The following WDR19 variants were observed in gnomAD, a reference collection of about 807,000 sequenced individuals.
The protein encoded by WDR19 is WD repeat domain 19, also known as WD repeat-containing protein 19.
Under a neutral mutation model 180.0 loss-of-function variants are expected in WDR19, and 121 were observed. The ratio of observed to expected loss-of-function variants is 0.67; its 90% CI spans 0.58 to 0.78. The LOEUF is 0.78. Ranked by LOEUF, WDR19 falls within the 30% of genes least tolerant of loss-of-function variation. The pLI is 0.00. For missense variants in WDR19, 1,450 were observed against 1,640.7 expected, an observed-to-expected ratio of 0.88 and a Z score of 2.01; for synonymous variants, 497 against 540.7, an observed-to-expected ratio of 0.92 and a Z score of 1.12.
At position 39,266,154 on chromosome 4, in the gene WDR19, G is replaced by A. The variant is rs747307857; in HGVS notation, c.3261+14G>A. 3.2e-6 allele frequency: 5 copies of A among 1,538,986 alleles called. No individual in the cohort carries two copies. The African/African-American group carries it at 6.9e-5, about 21-fold the overall frequency. ...GGCATGCCTAAGGTACTGAACACGT[G>A]GGCTTCGTGTGCATCCTCAGGTCTC... On this transcript the variant is annotated intron_variant, in intron 29 of 36. Transcript: ENST00000399820.
At chr4:39,263,949 C>G (rs1734547064) in intron 28 of WDR19, among the ~76,000 whole-genome samples, 2 of 151,776 alleles carry the variant, frequency 1.3e-5, no homozygotes, top group Admixed American at 1.3e-4. Flanking sequence ...ATAGGGACAC[C>G]TACTGAGTGC....
At chr4:39,192,220 G>C (rs1321281933) in intron 4 of WDR19, among the ~76,000 whole-genome samples, 1 of 152,124 alleles carries the variant, frequency 6.6e-6, no homozygotes, top group Non-Finnish European at 1.5e-5. Context: ...TTGTTATACA[G>C]TTTTCTCTGA....
intron 18 of WDR19, 92 bp from the exon 19 acceptor site, chr4:39,232,070 C>T (rs1311548782): frequency 1.7e-5 from 25 of 1,496,924 alleles, no homozygotes; most frequent in Admixed American, 5.3e-5. Context: ...ATCGATAGAA[C>T]GTTACCACTT....
intron 9 of WDR19, among the ~76,000 whole-genome samples, chr4:39,209,736 A>G (rs899116893): frequency 7.4e-5 from 11 of 149,210 alleles, no homozygotes; most frequent in African/African-American, 2.8e-4. Context: ...AAAATCAATT[A>G]AACAAGAAGC....
intron 28 of WDR19, among the ~76,000 whole-genome samples, chr4:39,263,377 A>T (rs1431395967): frequency 1.3e-5 from 2 of 152,116 alleles, no homozygotes; most frequent in Non-Finnish European, 2.9e-5. Context: ...GTCTTTCTGG[A>T]CATTTTTCCC....
intron 14 of WDR19, among the ~76,000 whole-genome samples, chr4:39,220,166 G>A (rs2109337071): frequency 6.6e-6 from 1 of 152,252 alleles, no homozygotes; most frequent in South Asian, 2.1e-4. Context: ...TTGCCAGTGA[G>A]CTGAGATCAC....
At chr4:39,188,301 G>GT (rs1485283132) in intron 3 of WDR19, among the ~76,000 whole-genome samples, 1 of 152,012 alleles carries the variant, frequency 6.6e-6, no homozygotes, top group Non-Finnish European at 1.5e-5. Context: ...AAATTGTAAA[G>GT]TTTTTTATAA....
At chr4:39,264,779 T>A (rs1734618598) in intron 28 of WDR19, among the ~76,000 whole-genome samples, 1 of 152,166 alleles carries the variant, frequency 6.6e-6, no homozygotes, top group Admixed American at 6.5e-5. Flanking sequence ...AGTAATTCCC[T>A]AGTGCCTCCC....
intron 33 of WDR19, 33 bp from the exon 34 acceptor site, chr4:39,276,987 G>A (rs779261606): frequency 2.5e-6 from 4 of 1,610,140 alleles, no homozygotes; most frequent in African/African-American, 1.3e-5. Flanking sequence ...TGAATAAAAC[G>A]GCATTTTTAA....
rs113490249 is a variant in WDR19, at chr4:39,183,250, C to CTTTTTTTTTTTTTTTTTTTT, written c.6+688_6+707dup. The stretch of plus-strand genomic sequence containing the variant: ...TCTGCTCTGGCAAAGAAATGGAAGG[C>CTTTTTTTTTTTTTTTTTTTT]TTTTTTTTTTTTTTTTTTTTACTGA... On this transcript the variant is annotated intron_variant, in intron 1 of 36. Coordinates refer to ENST00000399820, the MANE Select transcript of WDR19 (RefSeq NM_025132.4). Among the ~76,000 whole-genome samples the CTTTTTTTTTTTTTTTTTTTT allele has an allele frequency of 5.7e-4, 45 of 79,250 alleles. 9 individuals carry two copies. The highest frequency in any genetic ancestry group is 2.0e-3 in the African/African-American group (41 of 20,076). The allele number at this position is 79,250 out of a possible 152,430, so 52.0% of individuals were successfully genotyped here.
chr4:39,256,127 A>C (rs1733733978), intron 27 of WDR19, among the ~76,000 whole-genome samples, 167 bp downstream of exon 27: 1 of 152,058 alleles, frequency 6.6e-6, no homozygotes, highest in African/African-American at 2.4e-5. Context: ...TCCCACACCC[A>C]GTCACAACCT....
At chr4:39,245,240 C>G (rs1732397421) in intron 23 of WDR19, 129 bp from the exon 24 acceptor site, 1 of 717,188 alleles carries the variant, frequency 1.4e-6, no homozygotes, top group Non-Finnish European at 2.2e-6. Flanking sequence ...TGCACCCCGC[C>G]AGGAGCCAAG....
chr4:39,234,833 T>C lies in WDR19; in HGVS notation c.2321T>C (p.Ile774Thr). Residue 774 changes from isoleucine (I) to threonine (T), a missense_variant, in exon 20 of 37, where the codon ATA becomes ACA. Ile to Thr is a moderately conservative substitution (Grantham distance 89). Coordinates refer to ENST00000399820, the MANE Select transcript of WDR19 (RefSeq NM_025132.4). Reference sequence around the variant, plus strand: ...GCAAAGCATTTGGCCCCAGACCAGATACCTTTTATATCAAAAGAATATGCT... The same window carrying C: ...GCAAAGCATTTGGCCCCAGACCAGACACCTTTTATATCAAAAGAATATGCT... ...QLAKHLAPDQ[I>T]PFISKEYAIQ... 1 of 1,577,278 alleles carries C rather than the reference T, an allele frequency of 6.3e-7. No homozygotes were observed. The highest frequency in any genetic ancestry group is 8.6e-7 in the Non-Finnish European group (1 of 1,160,218).
intron 33 of WDR19, among the ~76,000 whole-genome samples, chr4:39,276,271 C>T (rs182611200): frequency 8.7e-4 from 133 of 152,168 alleles, no homozygotes; most frequent in African/African-American, 3.2e-3. Flanking sequence ...TTTTTTAAGT[C>T]TAAGTAGCTT....
At chr4:39,211,925 C>A (rs1728550706) in intron 9 of WDR19, among the ~76,000 whole-genome samples, 1 of 117,084 alleles carries the variant, frequency 8.5e-6, no homozygotes, top group African/African-American at 3.4e-5. Flanking sequence ...CTAATATAGA[C>A]AGACAGAGAG....
intron 10 of WDR19, among the ~76,000 whole-genome samples, chr4:39,215,325 C>CTTTCT (rs1210284027): frequency 6.7e-5 from 10 of 149,242 alleles, no homozygotes; most frequent in Non-Finnish European, 1.2e-4. Context: ...TTCTTTCTTT[C>CTTTCT]TTTTTTTTTG....
intron 24 of WDR19, among the ~76,000 whole-genome samples, chr4:39,249,519 A>G (rs1264094105): frequency 1.3e-5 from 2 of 152,220 alleles, no homozygotes; most frequent in Admixed American, 1.3e-4. Context: ...GGAGATAGAG[A>G]CACAAAAAAC....
At chr4:39,211,925 CAGACAGAGAGAGAGAGAGAG>C (rs1728552920) in intron 9 of WDR19, among the ~76,000 whole-genome samples, 3 of 117,086 alleles carry the variant, frequency 2.6e-5, no homozygotes, top group South Asian at 3.1e-4. Flanking sequence ...CTAATATAGA[CAGACAGAGAGAGAGAGAGAG>C]AGAGAGAGAG....
chr4:39,275,338 T>TA (rs1735794224), intron 33 of WDR19: 129 of 156,200 alleles, frequency 8.3e-4, no homozygotes, highest in Middle Eastern at 3.0e-3. Flanking sequence ...AGACCCCATC[T>TA]CAAAAAAAAA....
Sources: allele counts gnomAD v4.1 joint callset (sites outside exome capture counted in the v4.1 genomes callset), GRCh38; gene constraint gnomAD v4.1.1; transcripts MANE v1.5; gene names NCBI Gene and HGNC (gene_info 2026-07-23, HGNC 2026-07-21).